The following ERBB4 variants were observed in gnomAD, a reference collection of about 807,000 sequenced individuals.
ERBB4 encodes the protein receptor tyrosine-protein kinase erbB-4.
ERBB4 carries 42 observed loss-of-function variants against 158.0 expected under a neutral mutation model. That is an observed-to-expected ratio of 0.27 (90% CI 0.21 to 0.34). The LOEUF (loss-of-function observed/expected upper bound fraction) is 0.34. Ranked by LOEUF, ERBB4 falls within the 10% of genes least tolerant of loss-of-function variation. The pLI, the probability that ERBB4 is intolerant of heterozygous loss-of-function variation, is 1.00. For missense variants in ERBB4, 1,333 were observed against 1,624.1 expected (o/e 0.82, Z 3.08); for synonymous variants, 583 against 558.7 (o/e 1.04, Z -0.61).
At chr2:211,699,040 G>A (rs954004075) in intron 12 of ERBB4, among the ~76,000 whole-genome samples, 51 of 152,042 alleles carry the variant, frequency 3.4e-4, no homozygotes, top group Admixed American at 3.3e-4. Context: ...TTAAAAAATC[G>A]TCATTACTGT....
intron 19 of ERBB4, among the ~76,000 whole-genome samples, chr2:211,590,749 C>T (rs546989304): frequency 6.6e-6 from 1 of 152,240 alleles, no homozygotes; most frequent in East Asian, 1.9e-4. Context: ...TTGTCTATTG[C>T]GATTCCCCTG....
At position 211,424,217 on chromosome 2, in the gene ERBB4, T is replaced by C; in HGVS notation, c.2804A>G (p.Lys935Arg). 2 of 1,613,398 alleles carry C rather than the reference T, an allele frequency of 1.2e-6. No individual in the cohort carries two copies. Among genetic ancestry groups the C allele is most frequent in the Non-Finnish European group, 1.7e-6 (2 of 1,179,518 alleles). Reference protein sequence around the residue: ...PTREIPDLLEKGERLPQPPIC... With the variant: ...PTREIPDLLERGERLPQPPIC... ...GGGAGGCTGAGGCAAACGTTCTCCT[T>C]TCTCTAATAAATCAGGGATTTCTCG... The change falls in exon 23 of 28, where the codon AAA becomes AGA. Residue 935 changes from lysine to arginine, a missense_variant. Coordinates refer to ENST00000342788, the MANE Select transcript of ERBB4 (RefSeq NM_005235.3).
In ERBB4 at chr2:211,378,373, CAA is replaced by C. The variant is rs1480931817; in HGVS notation, c.*5240_*5241del. The C allele has an allele frequency of 4.3e-6, 1 of 232,514 alleles. No homozygotes were observed. The highest frequency in any genetic ancestry group is 2.2e-5 in the African/African-American group (1 of 45,260). 14.4% of individuals were successfully genotyped at this position (232,514 alleles called of 1,614,324 possible). On this transcript the variant is annotated 3_prime_UTR_variant, in exon 28 of 28. Coordinates refer to ENST00000342788, the MANE Select transcript of ERBB4 (RefSeq NM_005235.3). Reference sequence around the variant, plus strand: ...AGGAATTAGGTGAGGCAGGGGCCTGCAAAAGTGACAGATCCTACATTTTTGGA... The same window carrying C: ...AGGAATTAGGTGAGGCAGGGGCCTGCAAGTGACAGATCCTACATTTTTGGA...
intron 19 of ERBB4, among the ~76,000 whole-genome samples, chr2:211,564,746 C>T (rs758571151): frequency 3.3e-5 from 5 of 151,956 alleles, no homozygotes; most frequent in Middle Eastern, 3.4e-3. Flanking sequence ...TATGGAAATA[C>T]AAAAAATACA....
intron 20 of ERBB4, among the ~76,000 whole-genome samples, chr2:211,465,157 C>A (rs2125511641): frequency 6.6e-6 from 1 of 151,928 alleles, no homozygotes; most frequent in Non-Finnish European, 1.5e-5. Context: ...AGCTTACATT[C>A]TTGAAAGCCA....
At chr2:211,823,742 C>T (rs2077041615) in intron 3 of ERBB4, among the ~76,000 whole-genome samples, 1 of 151,858 alleles carries the variant, frequency 6.6e-6, no homozygotes, top group Non-Finnish European at 1.5e-5. Flanking sequence ...AATGATGGGG[C>T]TTCTATAATC....
chr2:211,414,674 T>C (rs2125388601), intron 25 of ERBB4, among the ~76,000 whole-genome samples: 1 of 152,186 alleles, frequency 6.6e-6, no homozygotes, highest in East Asian at 1.9e-4. Context: ...TTATCCAGAT[T>C]ACCGTAAAGT....
intron 1 of ERBB4, among the ~76,000 whole-genome samples, chr2:212,390,401 A>C (rs2090820489): frequency 6.6e-6 from 1 of 151,714 alleles, no homozygotes; most frequent in Non-Finnish European, 1.5e-5. Context: ...TAATGAAATC[A>C]TTTTTCACCT....
chr2:211,944,141 TAC>T, intron 3 of ERBB4, among the ~76,000 whole-genome samples: 1 of 140,776 alleles, frequency 7.1e-6, no homozygotes, highest in African/African-American at 2.6e-5. Flanking sequence ...ATGTACACTA[TAC>T]ATATACACTA....
intron 2 of ERBB4, among the ~76,000 whole-genome samples, chr2:212,120,949 G>A (rs529176572): frequency 9.9e-5 from 15 of 152,152 alleles, no homozygotes; most frequent in Admixed American, 9.8e-4. Flanking sequence ...TTACTATAAT[G>A]TGTTAATACT....
chr2:211,915,049 T>C (rs1160394018), intron 3 of ERBB4, among the ~76,000 whole-genome samples: 1 of 152,168 alleles, frequency 6.6e-6, no homozygotes, highest in African/African-American at 2.4e-5. Context: ...GAGACAAAGA[T>C]TTCAGGTCTG....
chr2:211,931,038 C>T (rs1042361097), intron 3 of ERBB4, among the ~76,000 whole-genome samples: 8 of 152,006 alleles, frequency 5.3e-5, no homozygotes, highest in African/African-American at 1.9e-4. Flanking sequence ...AAGAAATGAA[C>T]AATGAATAGG....
intron 20 of ERBB4, among the ~76,000 whole-genome samples, chr2:211,485,916 T>G (rs12989822): frequency 0.25 from 37,444 of 151,692 alleles, 5,291 homozygotes; most frequent in African/African-American, 0.39. Context: ...GCTTGTGGAT[T>G]GATTTACGGA....
intron 7 of ERBB4, among the ~76,000 whole-genome samples, chr2:211,716,362 CAAA>C (rs534486221): frequency 0.017 from 1,183 of 68,132 alleles, 3 homozygotes; most frequent in Middle Eastern, 0.038. Flanking sequence ...AACTCTGTCT[CAAA>C]AAAAAAAAAA....
chr2:211,972,026 G>C (rs2081468898), intron 2 of ERBB4, among the ~76,000 whole-genome samples: 1 of 152,190 alleles, frequency 6.6e-6, no homozygotes, highest in Non-Finnish European at 1.5e-5. Context: ...CATAGTCTCA[G>C]CCCAAAGGCT....
intron 16 of ERBB4, among the ~76,000 whole-genome samples, chr2:211,641,151 A>T (rs184697988): frequency 6.6e-6 from 1 of 152,084 alleles, no homozygotes; most frequent in Non-Finnish European, 1.5e-5. Flanking sequence ...AGTCACAGAC[A>T]ACATTCCATT....
At chr2:212,142,586 TTATA>T (rs112005792) in intron 1 of ERBB4, among the ~76,000 whole-genome samples, 2 of 146,090 alleles carry the variant, frequency 1.4e-5, no homozygotes, top group East Asian at 2.0e-4. Context: ...AAAGGACACA[TTATA>T]TATATATATA....
At chr2:211,654,613 G>A (rs116168608) in intron 16 of ERBB4, among the ~76,000 whole-genome samples, 3,262 of 152,212 alleles carry the variant, frequency 0.021, 120 homozygotes, top group African/African-American at 0.075. Flanking sequence ...GGAGCAGTAA[G>A]TACCACCAAT....
intron 1 of ERBB4, among the ~76,000 whole-genome samples, chr2:212,154,929 T>C (rs981471443): frequency 2.6e-5 from 4 of 152,168 alleles, no homozygotes; most frequent in African/African-American, 9.6e-5. Context: ...AGAATTGTGA[T>C]TCAAGCCAGG....
Sources: allele counts gnomAD v4.1 joint callset (sites outside exome capture counted in the v4.1 genomes callset), GRCh38; gene constraint gnomAD v4.1.1; transcripts MANE v1.5; gene names NCBI Gene and HGNC (gene_info 2026-07-23, HGNC 2026-07-21).